NIBAN1: variants seen among roughly 807,000 people sequenced by gnomAD.
The protein encoded by NIBAN1 is niban apoptosis regulator 1.
NIBAN1 carries 81 observed loss-of-function variants against 75.1 expected under a neutral mutation model. The ratio of observed to expected loss-of-function variants is 1.08; its 90% CI spans 0.90 to 1.30. The LOEUF (loss-of-function observed/expected upper bound fraction) is 1.30, where lower values mean the gene tolerates loss of function less well. NIBAN1 is among the 50% of genes most tolerant of loss of function. The probability of loss-of-function intolerance (pLI) is 0.00; values close to 1 mark genes in which losing one functional copy is unlikely to be tolerated. For synonymous variants in NIBAN1, 436 were observed against 424.8 expected, an observed-to-expected ratio of 1.03 and a Z score of -0.32; for missense variants, 1,133 against 1,128.1, an observed-to-expected ratio of 1.00 and a Z score of -0.06.
intron 1 of NIBAN1, among the ~76,000 whole-genome samples, chr1:184,920,582 A>G (rs1657503233): frequency 6.6e-6 from 1 of 151,968 alleles, no homozygotes; most frequent in Non-Finnish European, 1.5e-5. Context: ...CCACTACTCT[A>G]CTCTCCACTT....
intron 1 of NIBAN1, among the ~76,000 whole-genome samples, chr1:184,919,605 A>T (rs1304836236): frequency 6.6e-6 from 1 of 152,142 alleles, no homozygotes; most frequent in Non-Finnish European, 1.5e-5. Flanking sequence ...AAAAGAGACC[A>T]TTAAGAAGAA....
chr1:184,916,600 GT>G (rs535619130), intron 1 of NIBAN1, among the ~76,000 whole-genome samples: 8 of 151,412 alleles, frequency 5.3e-5, no homozygotes, highest in Middle Eastern at 3.2e-3. Flanking sequence ...AAAATGAGGG[GT>G]TTTTTTTAAG....
At chr1:184,895,135 A>G (rs937128959) in intron 2 of NIBAN1, among the ~76,000 whole-genome samples, 1 of 152,208 alleles carries the variant, frequency 6.6e-6, no homozygotes, top group African/African-American at 2.4e-5. Flanking sequence ...TAAGGGATGA[A>G]ACAAATTCCC....
chr1:184,838,798 G>A (rs1655204634), intron 5 of NIBAN1, among the ~76,000 whole-genome samples: 1 of 152,166 alleles, frequency 6.6e-6, no homozygotes, highest in Non-Finnish European at 1.5e-5. Context: ...CCCTGACTCA[G>A]GCTGGGTTTG....
At chr1:184,859,677 T>A (rs1655766028) in intron 5 of NIBAN1, among the ~76,000 whole-genome samples, 1 of 152,224 alleles carries the variant, frequency 6.6e-6, no homozygotes, top group African/African-American at 2.4e-5. Flanking sequence ...AGGCCAGTGC[T>A]TATTTTCATG....
At chr1:184,808,371 G>C (rs553384089) in intron 9 of NIBAN1, 136 bp from the exon 10 acceptor site, 3 of 849,556 alleles carry the variant, frequency 3.5e-6, no homozygotes, top group Admixed American at 2.6e-5. Flanking sequence ...CCCTACATCT[G>C]TGACACCTTC....
chr1:184,961,946 G>C (rs116290957), intron 1 of NIBAN1, among the ~76,000 whole-genome samples: 2,333 of 152,296 alleles, frequency 0.015, 57 homozygotes, highest in African/African-American at 0.052. Context: ...ACAGACAGTA[G>C]GAAGAAATAA....
intron 1 of NIBAN1, among the ~76,000 whole-genome samples, chr1:184,964,236 G>A (rs1015813188): frequency 1.3e-5 from 2 of 152,200 alleles, no homozygotes; most frequent in Admixed American, 1.3e-4. Context: ...CAGATGGGGA[G>A]TTTTTCACAG....
At chr1:184,884,587 C>A (rs1277389745) in intron 5 of NIBAN1, 46 bp downstream of exon 5, 28 of 1,606,856 alleles carry the variant, frequency 1.7e-5, no homozygotes, top group Non-Finnish European at 2.3e-5. Flanking sequence ...TCAGCGAGGG[C>A]TGCCCCACTT....
Position 184,823,288 on chromosome 1 carries a change from T to C in NIBAN1, c.864A>G (p.Ser288=). The change falls in exon 8 of 14, where the codon TCA becomes TCG. Residue 288 remains serine (S), a synonymous_variant. Transcript: ENST00000367511. ...EAYTLVQHQV[S]EGLSALKEEC... is the part of the protein sequence containing the mutation. Reference sequence around the variant, plus strand: ...CCTCCTTCAAGGCACTTAATCCTTCTGAAACTTGATGCTGAACCAGGGTGT... The same window carrying C: ...CCTCCTTCAAGGCACTTAATCCTTCCGAAACTTGATGCTGAACCAGGGTGT... 6.2e-7 allele frequency: 1 copy of C among 1,614,174 alleles called. No individual in the cohort carries two copies. Among genetic ancestry groups the C allele is most frequent in the South Asian group, 1.1e-5 (1 of 91,090 alleles).
intron 1 of NIBAN1, among the ~76,000 whole-genome samples, chr1:184,967,812 A>C (rs954428381): frequency 6.6e-6 from 1 of 152,212 alleles, no homozygotes; most frequent in Non-Finnish European, 1.5e-5. Flanking sequence ...ATTAGAAGCC[A>C]CAAGAGGGAA....
intron 11 of NIBAN1, among the ~76,000 whole-genome samples, chr1:184,805,335 C>T (rs913599868): frequency 3.3e-5 from 5 of 152,226 alleles, no homozygotes; most frequent in Non-Finnish European, 5.9e-5. Flanking sequence ...TTAGCTTTTA[C>T]AGAATCAGTT....
At chr1:184,839,600 AT>A (rs1199357275) in intron 5 of NIBAN1, among the ~76,000 whole-genome samples, 66 of 143,938 alleles carry the variant, frequency 4.6e-4, no homozygotes, top group Middle Eastern at 3.5e-3. Context: ...GTTCCATTTA[AT>A]TTTTTTTTTT....
At chr1:184,857,101 AATTT>A (rs1424228523) in intron 5 of NIBAN1, among the ~76,000 whole-genome samples, 1 of 152,196 alleles carries the variant, frequency 6.6e-6, no homozygotes, top group African/African-American at 2.4e-5. Flanking sequence ...AAGAGTTCTT[AATTT>A]ATATTAGGTG....
At chr1:184,807,936 T>A in intron 10 of NIBAN1, 138 bp downstream of exon 10, 1 of 901,458 alleles carries the variant, frequency 1.1e-6, no homozygotes, top group Non-Finnish European at 1.8e-6. Context: ...GGACAGAACG[T>A]GTCCTCCCGC....
intron 13 of NIBAN1, among the ~76,000 whole-genome samples, chr1:184,796,874 G>A (rs1394292263): frequency 6.6e-6 from 1 of 152,182 alleles, no homozygotes; most frequent in Non-Finnish European, 1.5e-5. Context: ...TAAAGTGTCT[G>A]GAGGAAAGGA....
At chr1:184,886,250 G>A (rs1045093862) in intron 4 of NIBAN1, among the ~76,000 whole-genome samples, 1 of 152,150 alleles carries the variant, frequency 6.6e-6, no homozygotes, top group Non-Finnish European at 1.5e-5. Context: ...GCAATGACCT[G>A]TTTTCATGCC....
chr1:184,842,316 T>C (rs1655308695), intron 5 of NIBAN1, among the ~76,000 whole-genome samples: 1 of 152,204 alleles, frequency 6.6e-6, no homozygotes, highest in African/African-American at 2.4e-5. Context: ...TCCCAGAGTT[T>C]CTGATTCAAT....
At chr1:184,820,280 A>G (rs1476577196) in intron 8 of NIBAN1, among the ~76,000 whole-genome samples, 1 of 152,228 alleles carries the variant, frequency 6.6e-6, no homozygotes, top group African/African-American at 2.4e-5. Context: ...ATAAAGATCT[A>G]GCAGCAGATG....
Sources: gnomAD v4.1 joint callset for allele counts (sites outside exome capture counted in the v4.1 genomes callset) on GRCh38, gnomAD v4.1.1 for gene constraint, MANE v1.5 for transcripts, NCBI Gene and HGNC (gene_info 2026-07-23, HGNC 2026-07-21) for gene names.